Variants in CACNA1C observed in about 807,000 individuals in gnomAD.
The protein encoded by CACNA1C is voltage-dependent L-type calcium channel subunit alpha-1C.
CACNA1C carries 30 observed loss-of-function variants against 229.0 expected under a neutral mutation model. The observed-to-expected ratio is 0.13, with a 90% CI of 0.10 to 0.18. CACNA1C has a LOEUF of 0.18. Among genes scored for constraint, CACNA1C ranks in the 10% least tolerant of loss-of-function variants. CACNA1C has a pLI of 1.00. For synonymous variants in CACNA1C, 1,114 were observed against 1,132.5 expected, an observed-to-expected ratio of 0.98 and a Z score of 0.33; for missense variants, 1,658 against 2,845.0, an observed-to-expected ratio of 0.58 and a Z score of 9.49.
At chr12:2,306,816 C>T (rs1337948869) in intron 3 of CACNA1C, among the ~76,000 whole-genome samples, 5 of 152,202 alleles carry the variant, frequency 3.3e-5, no homozygotes, top group Non-Finnish European at 5.9e-5. Context: ...AGAGCTAATC[C>T]GCAGTTTGGT....
At chr12:2,376,666 C>T (rs1026526228) in intron 3 of CACNA1C, among the ~76,000 whole-genome samples, 3 of 152,158 alleles carry the variant, frequency 2.0e-5, no homozygotes, top group Non-Finnish European at 4.4e-5. Flanking sequence ...TCACAGGAGC[C>T]CTTTCCCTTG....
intron 3 of CACNA1C, among the ~76,000 whole-genome samples, chr12:2,417,731 C>T (rs560453327): frequency 9.9e-5 from 15 of 152,078 alleles, no homozygotes; most frequent in Admixed American, 3.9e-4. Context: ...TTGAAAAGGC[C>T]CTTGAGAAGT....
intron 11 of CACNA1C, 22 bp downstream of exon 11, chr12:2,556,999 C>T: frequency 1.2e-6 from 2 of 1,604,482 alleles, no homozygotes; most frequent in East Asian, 2.2e-5. Context: ...TCACGCTGCT[C>T]TTCCTTCCTT....
intron 3 of CACNA1C, among the ~76,000 whole-genome samples, chr12:2,373,191 G>A (rs975449438): frequency 6.6e-6 from 1 of 152,076 alleles, no homozygotes; most frequent in African/African-American, 2.4e-5. Context: ...GCCTTCCTTG[G>A]GGAAAACATC....
chr12:2,186,998 T>G (rs569647669), intron 3 of CACNA1C, among the ~76,000 whole-genome samples: 1 of 151,760 alleles, frequency 6.6e-6, no homozygotes, highest in East Asian at 1.9e-4. Flanking sequence ...CCGACCCCTT[T>G]CCTGTCCTGC....
chr12:2,048,305 A>G (rs1594343502), upstream of CACNA1C: 1 of 152,126 alleles, frequency 6.6e-6, no homozygotes, highest in Admixed American at 6.6e-5. Context: ...GCGTGGCCCT[A>G]TGTGGAGATA....
At chr12:2,551,595 G>A in intron 10 of CACNA1C, among the ~76,000 whole-genome samples, 1 of 152,194 alleles carries the variant, frequency 6.6e-6, no homozygotes, top group Non-Finnish European at 1.5e-5. Context: ...GGCGGGAGAA[G>A]CAGCATGGGA....
intron 1 of CACNA1C, among the ~76,000 whole-genome samples, chr12:2,114,215 C>A (rs573906673): frequency 1.3e-5 from 2 of 152,306 alleles, no homozygotes; most frequent in Non-Finnish European, 2.9e-5. Context: ...GTGATTGGAG[C>A]AGCTGGGGGC....
At chr12:2,261,468 G>C (rs1566744176) in intron 3 of CACNA1C, among the ~76,000 whole-genome samples, 1 of 152,198 alleles carries the variant, frequency 6.6e-6, no homozygotes, top group Non-Finnish European at 1.5e-5. Context: ...CTGTGTATTT[G>C]TGAGAGCATT....
At chr12:2,582,523 AC>A (rs2060908499) in intron 14 of CACNA1C, among the ~76,000 whole-genome samples, 1 of 152,176 alleles carries the variant, frequency 6.6e-6, no homozygotes, top group South Asian at 2.1e-4. Flanking sequence ...CTGACGCCTT[AC>A]CCCCAGGAAT....
intron 3 of CACNA1C, among the ~76,000 whole-genome samples, chr12:2,373,890 A>C (rs1196307520): frequency 6.6e-6 from 1 of 152,174 alleles, no homozygotes; most frequent in African/African-American, 2.4e-5. Flanking sequence ...TCTCTTGTGC[A>C]TGACGAACTT....
chr12:2,488,719 G>A lies in CACNA1C; in HGVS notation c.916+2457G>A, dbSNP rs565767695. 6.6e-6 allele frequency among the ~76,000 whole-genome samples: 1 copy of A among 152,210 alleles called. No homozygotes were observed. Among genetic ancestry groups the A allele is most frequent in the Admixed American group, 6.5e-5 (1 of 15,288 alleles). ...GAAGTGCTCCAGAGAGAAGGGCCCT[G>A]CCAGGCTCCATGAGAAGGTGGCCTC... On this transcript the variant is annotated intron_variant, in intron 6 of 46. Transcript: ENST00000399655. The surrounding 1 kb of genome is among the most constrained non-coding windows in gnomAD (Gnocchi z 4.0).
intron 10 of CACNA1C, among the ~76,000 whole-genome samples, chr12:2,554,088 C>T (rs1414610279): frequency 6.6e-6 from 1 of 152,172 alleles, no homozygotes; most frequent in Non-Finnish European, 1.5e-5. Flanking sequence ...ATATGGCACT[C>T]TTTCCTCTAA....
rs767665198 is a variant in CACNA1C at position 2,395,727 on chromosome 12, C to T, written c.478-53249C>T. Among the ~76,000 whole-genome samples the T allele has an allele frequency of 1.7e-4, 26 of 152,232 alleles. 2 individuals carry two copies. Among genetic ancestry groups the T allele is most frequent in the Admixed American group, 1.0e-3 (16 of 15,280 alleles). On this transcript the variant is annotated intron_variant, in intron 3 of 46. Coordinates refer to ENST00000399655, the MANE Select transcript of CACNA1C (RefSeq NM_000719.7). Reference sequence around the variant, plus strand: ...GAGGCTTCCCATGTATTCCTTTCAACGCAGCACCTCTATGTGCATCCCTGA... The same window carrying T: ...GAGGCTTCCCATGTATTCCTTTCAATGCAGCACCTCTATGTGCATCCCTGA...
chr12:2,493,358 T>C lies in CACNA1C; in HGVS notation c.1085T>C (p.Met362Thr). The change falls in exon 7 of 47, where the codon ATG becomes ACG. Residue 362 changes from methionine (M) to threonine (T), a missense_variant. By Grantham distance (81) the Met-to-Thr change is moderately conservative. Transcript: ENST00000399655. The surrounding 1 kb of genome is among the most constrained non-coding windows in gnomAD (Gnocchi z 4.6). ...CTCACGGTGTTCCAGTGCATCACCA[T>C]GGAGGGCTGGACGGACGTGCTGTAC... is the stretch of plus-strand genomic sequence containing the variant. Reference protein sequence around the residue: ...AMLTVFQCITMEGWTDVLYWV... With the variant: ...AMLTVFQCITTEGWTDVLYWV... 1 of 1,614,076 alleles carries C rather than the reference T, an allele frequency of 6.2e-7. No individual in the cohort carries two copies. The highest frequency in any genetic ancestry group is 8.5e-7 in the Non-Finnish European group (1 of 1,179,944).
At chr12:2,156,145 A>G (rs1240961484) in intron 3 of CACNA1C, among the ~76,000 whole-genome samples, 10 of 152,238 alleles carry the variant, frequency 6.6e-5, no homozygotes, top group African/African-American at 2.4e-5. Flanking sequence ...TTTAAGGTAC[A>G]CATACATACG....
At chr12:2,347,980 G>A (rs187984387) in intron 3 of CACNA1C, among the ~76,000 whole-genome samples, 6 of 152,352 alleles carry the variant, frequency 3.9e-5, no homozygotes, top group African/African-American at 1.2e-4. Flanking sequence ...CATTCTCACC[G>A]GACTGTTGGA....
chr12:2,106,182 A>C (rs1435126102), intron 1 of CACNA1C, among the ~76,000 whole-genome samples: 1 of 47,296 alleles, frequency 2.1e-5, no homozygotes, highest in African/African-American at 6.7e-5. Context: ...GAGAGTTTCC[A>C]CCTCAGCTGG....
At chr12:2,264,790 C>A in intron 3 of CACNA1C, among the ~76,000 whole-genome samples, 1 of 152,278 alleles carries the variant, frequency 6.6e-6, no homozygotes, top group African/African-American at 2.4e-5. Flanking sequence ...AATTGATGGC[C>A]CCCCTTTGGC....
Sources: allele counts gnomAD v4.1 joint callset (sites outside exome capture counted in the v4.1 genomes callset), GRCh38; gene constraint gnomAD v4.1.1; non-coding constraint Gnocchi (gnomAD v3.1); transcripts MANE v1.5; gene names NCBI Gene and HGNC (gene_info 2026-07-23, HGNC 2026-07-21).